Variants in CDH20 observed in about 807,000 individuals in gnomAD.
The protein encoded by CDH20 is cadherin-20.
CDH20 carries 29 observed loss-of-function variants against 74.2 expected under a neutral mutation model. The ratio of observed to expected loss-of-function variants is 0.39; its 90% CI spans 0.29 to 0.53. The LOEUF (loss-of-function observed/expected upper bound fraction) is 0.53, where lower values mean the gene tolerates loss of function less well. CDH20 is among the 20% of genes least tolerant of loss of function. CDH20 has a pLI of 0.69. For synonymous variants in CDH20, 469 were observed against 405.4 expected, an observed-to-expected ratio of 1.16 and a Z score of -1.88; for missense variants, 988 against 1,048.3, an observed-to-expected ratio of 0.94 and a Z score of 0.79.
intron 6 of CDH20, among the ~76,000 whole-genome samples, chr18:61,522,922 G>T (rs1912262278): frequency 6.6e-6 from 1 of 152,052 alleles, no homozygotes; most frequent in Non-Finnish European, 1.5e-5. Context: ...ACTCAAGATG[G>T]ATTAAAAACT....
chr18:61,384,945 A>G (rs1378798424), intron 1 of CDH20, among the ~76,000 whole-genome samples: 1 of 152,108 alleles, frequency 6.6e-6, no homozygotes, highest in African/African-American at 2.4e-5. Flanking sequence ...CATTTATTAA[A>G]CACCTCCTAG....
At chr18:61,460,923 T>G (rs1909744578) in intron 1 of CDH20, among the ~76,000 whole-genome samples, 1 of 152,204 alleles carries the variant, frequency 6.6e-6, no homozygotes, top group South Asian at 2.1e-4. Flanking sequence ...ATATATCTTT[T>G]GGTATTTTTA....
At chr18:61,501,106 G>C (rs1292238256) in intron 4 of CDH20, among the ~76,000 whole-genome samples, 3 of 152,238 alleles carry the variant, frequency 2.0e-5, no homozygotes, top group Admixed American at 6.5e-5. Context: ...AGGGAGGAAA[G>C]ACCAGGTGGG....
At chr18:61,393,970 C>A (rs181036980) in intron 1 of CDH20, among the ~76,000 whole-genome samples, 46 of 152,180 alleles carry the variant, frequency 3.0e-4, no homozygotes, top group Non-Finnish European at 6.0e-4. Flanking sequence ...AAGCCCCACT[C>A]TCCTTCTCAT....
rs556933449 is a variant in CDH20 at position 61,464,983 on chromosome 18, C to A, written c.-152-25419C>A. Among the ~76,000 whole-genome samples the A allele has an allele frequency of 2.8e-3, 425 of 152,314 alleles. 1 individual carries two copies. The highest frequency in any genetic ancestry group is 9.6e-3 in the African/African-American group (398 of 41,576). On this transcript the variant is annotated intron_variant, in intron 1 of 11. Coordinates refer to ENST00000262717, the MANE Select transcript of CDH20 (RefSeq NM_031891.4). ...GGGTCTGTCAATGTTTAACAATAAT[C>A]TTGACTCATAACTTCAGGAAATGAC... is the stretch of plus-strand genomic sequence containing the variant.
intron 1 of CDH20, among the ~76,000 whole-genome samples, chr18:61,344,655 C>T (rs1910058301): frequency 2.0e-5 from 3 of 152,080 alleles, no homozygotes; most frequent in African/African-American, 7.2e-5. Flanking sequence ...CATGAGTTAA[C>T]TTTAAGTAAA....
intron 9 of CDH20, among the ~76,000 whole-genome samples, chr18:61,543,579 C>T (rs561018856): frequency 3.3e-5 from 5 of 152,284 alleles, no homozygotes; most frequent in East Asian, 1.9e-4. Context: ...AAAGGCAAAA[C>T]GTGGCCAGTG....
chr18:61,549,914 T>G, intron 10 of CDH20, 64 bp from the exon 11 acceptor site: 1 of 1,556,330 alleles, frequency 6.4e-7, no homozygotes, highest in Non-Finnish European at 8.8e-7. Flanking sequence ...CCCCCTTGCT[T>G]TCCTCAATCC....
At chr18:61,554,092 G>A in intron 11 of CDH20, 98 bp from the exon 12 acceptor site, 1 of 1,430,696 alleles carries the variant, frequency 7.0e-7, no homozygotes, top group Non-Finnish European at 9.5e-7. Context: ...CCACTCGGTA[G>A]CCCTTCCCCT....
chr18:61,452,554 G>A (rs7232102), intron 1 of CDH20, among the ~76,000 whole-genome samples: 148,695 of 152,320 alleles, frequency 0.98, 72,632 homozygotes, highest in East Asian at 1. Flanking sequence ...TATAATACCA[G>A]TAAAAGCATG....
In CDH20 at chr18:61,554,536, G is replaced by A. The variant is rs1243724738; in HGVS notation, c.2247G>A (p.Met749Ile). The A allele has an allele frequency of 6.2e-7, 1 of 1,613,086 alleles. No homozygotes were observed. The highest frequency in any genetic ancestry group is 8.5e-7 in the Non-Finnish European group (1 of 1,179,894). ...APPFDSLQTY[M>I]FEGDGSVAGS... ...CCTTCGACTCCCTCCAGACGTATAT[G>A]TTCGAGGGGGACGGCTCTGTGGCGG... The change falls in exon 12 of 12, where the codon ATG becomes ATA. Residue 749 changes from methionine to isoleucine, a missense_variant. Physicochemically the swap from Met to Ile is conservative, Grantham distance 10 (BLOSUM62 1). Transcript: ENST00000262717.
chr18:61,444,983 A>G (rs952988844), intron 1 of CDH20, among the ~76,000 whole-genome samples: 1 of 152,218 alleles, frequency 6.6e-6, no homozygotes, highest in South Asian at 2.1e-4. Flanking sequence ...TTCTGCTCTC[A>G]TCATTCAAAA....
intron 1 of CDH20, among the ~76,000 whole-genome samples, chr18:61,401,761 C>T (rs531802838): frequency 1.1e-4 from 17 of 152,208 alleles, no homozygotes; most frequent in African/African-American, 3.6e-4. Flanking sequence ...CATACTTGAG[C>T]AATGTATTTT....
At chr18:61,426,718 T>C (rs1913082951) in intron 1 of CDH20, among the ~76,000 whole-genome samples, 1 of 152,244 alleles carries the variant, frequency 6.6e-6, no homozygotes, top group Non-Finnish European at 1.5e-5. Flanking sequence ...GTGATTCATT[T>C]TCTTTGCAGG....
intron 1 of CDH20, among the ~76,000 whole-genome samples, chr18:61,351,293 C>T (rs1316433497): frequency 6.6e-6 from 1 of 152,072 alleles, no homozygotes; most frequent in Non-Finnish European, 1.5e-5. Context: ...CCATTTCACT[C>T]CCCCCATCCT....
At chr18:61,418,692 T>C (rs1912781153) in intron 1 of CDH20, among the ~76,000 whole-genome samples, 1 of 152,164 alleles carries the variant, frequency 6.6e-6, no homozygotes, top group Non-Finnish European at 1.5e-5. Context: ...ATAAATTCTA[T>C]TCACTCAGTT....
At chr18:61,452,121 A>T (rs1909412045) in intron 1 of CDH20, among the ~76,000 whole-genome samples, 1 of 152,100 alleles carries the variant, frequency 6.6e-6, no homozygotes, top group African/African-American at 2.4e-5. Context: ...CCCTCCCAAC[A>T]GTCCTCCAGT....
intron 4 of CDH20, 46 bp downstream of exon 4, chr18:61,500,548 T>C (rs1176918950): frequency 6.3e-7 from 1 of 1,576,944 alleles, no homozygotes; most frequent in Non-Finnish European, 8.6e-7. Context: ...TCCCTGATAA[T>C]TTATAACTGC....
At chr18:61,356,677 T>G (rs996508347) in intron 1 of CDH20, among the ~76,000 whole-genome samples, 1 of 152,202 alleles carries the variant, frequency 6.6e-6, no homozygotes, top group Non-Finnish European at 1.5e-5. Context: ...ATTAGGATGA[T>G]CCTTAAGGCA....
Sources: gnomAD v4.1 joint callset for allele counts (sites outside exome capture counted in the v4.1 genomes callset) on GRCh38, gnomAD v4.1.1 for gene constraint, MANE v1.5 for transcripts, NCBI Gene and HGNC (gene_info 2026-07-23, HGNC 2026-07-21) for gene names.